The following TFAM variants were observed in gnomAD, a reference collection of about 807,000 sequenced individuals.
TFAM encodes transcription factor A, mitochondrial.
TFAM carries 13 observed loss-of-function variants against 30.6 expected under a neutral mutation model. The observed-to-expected ratio is 0.42, with a 90% CI of 0.28 to 0.67. The LOEUF (loss-of-function observed/expected upper bound fraction) is 0.67. Among genes scored for constraint, TFAM ranks in the 30% least tolerant of loss-of-function variants. The probability of loss-of-function intolerance (pLI) is 0.21; values close to 1 mark genes in which losing one functional copy is unlikely to be tolerated. For missense variants in TFAM, 231 were observed against 293.7 expected (o/e 0.79, Z 1.56); for synonymous variants, 106 against 94.8 (o/e 1.12, Z -0.69).
chr10:58,388,670 A>G lies in TFAM; in HGVS notation c.292A>G (p.Ile98Val), dbSNP rs1840535857. The change falls in exon 4 of 7, where the codon ATA (isoleucine) becomes GTA (valine). Residue 98 changes from isoleucine (I) to valine (V), a missense_variant and splice_region_variant. Ile to Val is a conservative substitution (Grantham distance 29). Transcript: ENST00000487519. ...ACTTACTTGGGTTTTTTATTTATAG[A>G]TATATCAAGATGCTTATAGGGCGGA... ...WRELPDSKKK[I>V]YQDAYRAEWQ... The G allele has an allele frequency of 1.9e-6, 3 of 1,613,326 alleles. No individual in the cohort carries two copies. The highest frequency in any genetic ancestry group is 1.7e-5 in the Admixed American group (1 of 59,986).
intron 5 of TFAM, among the ~76,000 whole-genome samples, chr10:58,393,894 CA>C (rs1212905436): frequency 0.023 from 2,635 of 115,446 alleles, 49 homozygotes; most frequent in African/African-American, 0.065. Context: ...GACCTTGTCT[CA>C]AAAAAAAAAA....
intron 2 of TFAM, among the ~76,000 whole-genome samples, chr10:58,387,324 C>T (rs1840509030): frequency 6.6e-6 from 1 of 152,072 alleles, no homozygotes. Context: ...GTTTCAGAGA[C>T]ATGCTTAAGT....
Position 58,386,212 on chromosome 10 carries a change from A to G in TFAM, c.102-8A>G, listed in dbSNP as rs749996131. ...GACACTGGTTATTTTCTTTTTGTTT[A>G]TATGTAGTTTTGTGTATTTACCGAG... is the stretch of plus-strand genomic sequence containing the variant. On this transcript the variant is annotated splice_region_variant and splice_polypyrimidine_tract_variant and intron_variant, in intron 1 of 6. Coordinates refer to ENST00000487519, the MANE Select transcript of TFAM (RefSeq NM_003201.3). The G allele has an allele frequency of 3.2e-6, 5 of 1,562,416 alleles. No individual in the cohort carries two copies. The highest frequency in any genetic ancestry group is 1.1e-5 in the South Asian group (1 of 90,004).
rs746705581 is a variant in TFAM, at chr10:58,390,904, A to C, written c.537+44A>C. On this transcript the variant is annotated intron_variant, in intron 5 of 6. Coordinates refer to ENST00000487519, the MANE Select transcript of TFAM (RefSeq NM_003201.3). ...TTTGTTTAATTTTTAAAATATTTAG[A>C]CAGGAAAAGTCTAGAGTGCCATGTG... 3.2e-6 allele frequency: 5 copies of C among 1,539,196 alleles called. No homozygotes were observed. In the South Asian group the frequency reaches 4.6e-5, roughly 14 times the overall value.
chr10:58,386,978 A>G (rs1840502864), intron 2 of TFAM, among the ~76,000 whole-genome samples: 1 of 152,132 alleles, frequency 6.6e-6, no homozygotes, highest in African/African-American at 2.4e-5. Context: ...AAATGCTCAC[A>G]TCAGGCTGGG....
intron 4 of TFAM, among the ~76,000 whole-genome samples, chr10:58,389,887 A>G (rs1053603167): frequency 7.2e-5 from 11 of 152,232 alleles, no homozygotes; most frequent in Non-Finnish European, 1.6e-4. Flanking sequence ...AGTACCAACT[A>G]GTTCAGAGAT....
rs540417304 is a variant in TFAM at position 58,389,598 on chromosome 10, C to T, written c.441+779C>T. On this transcript the variant is annotated intron_variant, in intron 4 of 6. Transcript: ENST00000487519. ...TGTCCTAGCACTAGGGTTGAGGACC[C>T]GCCCAGTTTCGAGACCATGATGCCG... Among the ~76,000 whole-genome samples the T allele has an allele frequency of 4.6e-5, 7 of 152,252 alleles. No homozygotes were observed. In the East Asian group the frequency reaches 5.8e-4, roughly 13 times the overall value.
At chr10:58,385,679 G>A in intron 1 of TFAM, 31 bp downstream of exon 1, 1 of 1,501,968 alleles carries the variant, frequency 6.7e-7, no homozygotes, top group Non-Finnish European at 9.1e-7. Context: ...CCTAGGGGCA[G>A]CAGGGCCCAG....
At position 58,395,372 on chromosome 10, in the gene TFAM, C is replaced by T. The variant is rs1259275412; in HGVS notation, c.*298C>T. On this transcript the variant is annotated 3_prime_UTR_variant, in exon 7 of 7. Transcript: ENST00000487519. ...ATCAGACTATGAAGTTTTTTTTATA[C>T]AGGATGATGACTATGGAAAGAGTAC... The T allele has an allele frequency of 2.1e-5, 8 of 384,064 alleles. No individual in the cohort carries two copies. The highest frequency in any genetic ancestry group is 1.9e-4 in the South Asian group (7 of 37,340). The allele number at this position is 384,064 out of a possible 1,614,324, so 23.8% of individuals were successfully genotyped here. A position where few individuals can be genotyped will look rare whatever the true frequency, so the allele number is the denominator to read the frequency against.
rs1446091278 is a variant in TFAM at position 58,388,669 on chromosome 10, G to T, written c.292-1G>T. On this transcript the variant is annotated splice_acceptor_variant, in intron 3 of 6. Coordinates refer to ENST00000487519, the MANE Select transcript of TFAM (RefSeq NM_003201.3). LOFTEE classifies it high-confidence loss of function. ...GACTTACTTGGGTTTTTTATTTATA[G>T]ATATATCAAGATGCTTATAGGGCGG... 6.2e-7 allele frequency: 1 copy of T among 1,613,138 alleles called. No individual in the cohort carries two copies. The highest frequency in any genetic ancestry group is 8.5e-7 in the Non-Finnish European group (1 of 1,179,796).
At chr10:58,394,545 A>G (rs770562495) in intron 6 of TFAM, 131 bp downstream of exon 6, 1 of 899,038 alleles carries the variant, frequency 1.1e-6, no homozygotes, top group South Asian at 1.4e-5. Flanking sequence ...AATTATTTTC[A>G]TATTCTCAGA....
Position 58,386,228 on chromosome 10 carries a change from A to G in TFAM, c.110A>G (p.Tyr37Cys). 1 of 1,609,284 alleles carries G rather than the reference A, an allele frequency of 6.2e-7. No individual in the cohort carries two copies. The highest frequency in any genetic ancestry group is 8.5e-7 in the Non-Finnish European group (1 of 1,175,994). Residue 37 changes from tyrosine (Y) to cysteine (C), a missense_variant, in exon 2 of 7, where the codon TAT becomes TGT. By Grantham distance (194) the Tyr-to-Cys change is radical (BLOSUM62 -2). Coordinates refer to ENST00000487519, the MANE Select transcript of TFAM (RefSeq NM_003201.3). ...TTTTTGTTTATATGTAGTTTTGTGT[A>G]TTTACCGAGGTGGTTTTCATCTGTC... ...SRLRSPFSFV[Y>C]LPRWFSSVLA... is the part of the protein sequence containing the mutation.
rs964997334 is a variant in TFAM at position 58,398,204 on chromosome 10, G to A, written c.*3130G>A. 1 of 152,184 alleles carries A rather than the reference G, an allele frequency of 6.6e-6. No homozygotes were observed. The highest frequency in any genetic ancestry group is 2.4e-5 in the African/African-American group (1 of 41,416). 9.4% of individuals were successfully genotyped at this position (152,184 alleles called of 1,614,324 possible). A position where few individuals can be genotyped will look rare whatever the true frequency, so the allele number is the denominator to read the frequency against. ...GCCTCCTGAGTAGCTGGGATTATAG[G>A]TGCAGACCATCAAGCCTTGCTATTA... On this transcript the variant is annotated 3_prime_UTR_variant, in exon 7 of 7. Transcript: ENST00000487519.
At chr10:58,386,131 A>G in intron 1 of TFAM, 89 bp from the exon 2 acceptor site, 4 of 903,196 alleles carry the variant, frequency 4.4e-6, no homozygotes, top group South Asian at 2.6e-5. Flanking sequence ...TCTTGATGAC[A>G]TTTCTTATTT....
At chr10:58,391,468 A>G (rs1048518307) in intron 5 of TFAM, among the ~76,000 whole-genome samples, 1 of 152,142 alleles carries the variant, frequency 6.6e-6, no homozygotes, top group African/African-American at 2.4e-5. Context: ...TTAATCTAAG[A>G]TGAAGTTTTT....
intron 5 of TFAM, among the ~76,000 whole-genome samples, chr10:58,393,622 T>C (rs984926591): frequency 3.3e-5 from 5 of 152,160 alleles, no homozygotes; most frequent in African/African-American, 1.2e-4. Flanking sequence ...GCACAGTGGC[T>C]CATGCCTGTA....
At chr10:58,389,611 G>A (rs902469530) in intron 4 of TFAM, among the ~76,000 whole-genome samples, 8 of 152,184 alleles carry the variant, frequency 5.3e-5, no homozygotes, top group Non-Finnish European at 8.8e-5. Context: ...CCAGTTTCGA[G>A]ACCATGATGC....
rs1467019661 is a variant in TFAM, at chr10:58,398,607, G to A, written c.*3533G>A. 1 of 151,452 alleles carries A rather than the reference G, an allele frequency of 6.6e-6. No homozygotes were observed. The highest frequency in any genetic ancestry group is 1.9e-4 in the East Asian group (1 of 5,160). 9.4% of individuals were successfully genotyped at this position (151,452 alleles called of 1,614,324 possible). A position where few individuals can be genotyped will look rare whatever the true frequency, so the allele number is the denominator to read the frequency against. ...TCTGAATGTGTATATTTAGATTTCT[G>A]AATTGAAAAAAAATAGCGTACAATA... On this transcript the variant is annotated 3_prime_UTR_variant, in exon 7 of 7. Transcript: ENST00000487519.
At chr10:58,389,660 G>A (rs1283340412) in intron 4 of TFAM, among the ~76,000 whole-genome samples, 1 of 152,164 alleles carries the variant, frequency 6.6e-6, no homozygotes, top group Non-Finnish European at 1.5e-5. Flanking sequence ...GTAAAAGGGA[G>A]CCAGAAAGAT....
Sources: gnomAD v4.1 joint callset for allele counts (sites outside exome capture counted in the v4.1 genomes callset) on GRCh38, gnomAD v4.1.1 for gene constraint, MANE v1.5 for transcripts, NCBI Gene and HGNC (gene_info 2026-07-23, HGNC 2026-07-21) for gene names.